The following SNCAIP variants were observed in gnomAD, a reference collection of about 807,000 sequenced individuals.
SNCAIP encodes synphilin-1.
SNCAIP carries 43 observed loss-of-function variants against 86.7 expected under a neutral mutation model. The observed-to-expected ratio is 0.50, with a 90% CI of 0.39 to 0.64. SNCAIP has a LOEUF of 0.64. SNCAIP is among the 30% of genes least tolerant of loss of function. The pLI is 0.00. For missense variants in SNCAIP, 981 were observed against 1,103.1 expected (o/e 0.89, Z 1.57); for synonymous variants, 417 against 427.2 (o/e 0.98, Z 0.29).
intron 6 of SNCAIP, among the ~76,000 whole-genome samples, chr5:122,434,592 T>C (rs1011195339): frequency 4.6e-5 from 7 of 152,186 alleles, no homozygotes; most frequent in African/African-American, 9.6e-5. Context: ...TATTTCAAGA[T>C]GATATGCATT....
At chr5:122,453,031 A>G in intron 10 of SNCAIP, 1 of 1,370,470 alleles carries the variant, frequency 7.3e-7, no homozygotes, top group African/African-American at 1.4e-5. Context: ...TGCGGCATTG[A>G]CATGCTTTGC....
chr5:122,441,392 T>G (rs1780870427), intron 7 of SNCAIP: 1 of 153,316 alleles, frequency 6.5e-6, no homozygotes, highest in Non-Finnish European at 1.5e-5. Context: ...TAGCCTTATC[T>G]TTTTACCCTA....
At chr5:122,373,553 C>T (rs914197571) in intron 1 of SNCAIP, among the ~76,000 whole-genome samples, 1 of 152,140 alleles carries the variant, frequency 6.6e-6, no homozygotes, top group African/African-American at 2.4e-5. Flanking sequence ...TCACTTGTAC[C>T]ATCCTAATCT....
chr5:122,330,887 G>A (rs1390532428), intron 1 of SNCAIP, among the ~76,000 whole-genome samples: 1 of 151,792 alleles, frequency 6.6e-6, no homozygotes, highest in East Asian at 1.9e-4. Context: ...CCCTGAGATT[G>A]TTTTCCTGCA....
At chr5:122,457,329 C>A (rs557392605) in intron 10 of SNCAIP, among the ~76,000 whole-genome samples, 89 of 152,236 alleles carry the variant, frequency 5.8e-4, no homozygotes, top group African/African-American at 2.0e-3. Context: ...AAGCCCTGAA[C>A]GGAAGTATAA....
chr5:122,316,396 C>T (rs1043521799), intron 1 of SNCAIP, among the ~76,000 whole-genome samples: 1 of 152,174 alleles, frequency 6.6e-6, no homozygotes, highest in African/African-American at 2.4e-5. Context: ...GGTCAGCACA[C>T]AATGCAAAGT....
intron 1 of SNCAIP, among the ~76,000 whole-genome samples, chr5:122,360,586 G>A (rs887161895): frequency 6.6e-6 from 1 of 152,100 alleles, no homozygotes. Flanking sequence ...CTTAACCTAT[G>A]TCTCCATTTT....
At chr5:122,456,434 C>T (rs1784785247) in intron 10 of SNCAIP, among the ~76,000 whole-genome samples, 1 of 152,100 alleles carries the variant, frequency 6.6e-6, no homozygotes, top group Non-Finnish European at 1.5e-5. Context: ...GGGTATCATT[C>T]CCCCACCCCT....
intron 1 of SNCAIP, among the ~76,000 whole-genome samples, chr5:122,314,097 G>A (rs1349495860): frequency 6.6e-6 from 1 of 152,228 alleles, no homozygotes; most frequent in Non-Finnish European, 1.5e-5. Flanking sequence ...GCATTTCTCT[G>A]TCTACTCTGT....
At chr5:122,335,631 G>A (rs942047414) in intron 1 of SNCAIP, among the ~76,000 whole-genome samples, 1 of 152,180 alleles carries the variant, frequency 6.6e-6, no homozygotes, top group Non-Finnish European at 1.5e-5. Flanking sequence ...TTCAACACCT[G>A]TGGAAGGAAG....
At chr5:122,380,705 G>T (rs1180236555) in intron 1 of SNCAIP, among the ~76,000 whole-genome samples, 12 of 149,812 alleles carry the variant, frequency 8.0e-5, no homozygotes, top group African/African-American at 1.7e-4. Flanking sequence ...TCTACACACT[G>T]CTTTGAATGC....
rs199933356 is a variant in SNCAIP at position 122,403,845 on chromosome 5, C to T, written c.110C>T (p.Thr37Met). Reference protein sequence around the residue: ...TIPELCRRCDTQNEDRSVSSS... With the variant: ...TIPELCRRCDMQNEDRSVSSS... ...CCAGAACTGTGCCGAAGATGTGATA[C>T]GCAAAACGAAGACAGATCAGGTAGG... Residue 37 changes from threonine to methionine, a missense_variant, in exon 3 of 11, where the codon ACG (threonine) becomes ATG (methionine). Transcript: ENST00000261368. The T allele has an allele frequency of 9.9e-5, 159 of 1,613,554 alleles. No homozygotes were observed. The highest frequency in any genetic ancestry group is 1.7e-4 in the Middle Eastern group (1 of 6,060).
chr5:122,452,591 C>A (rs1336133861), intron 10 of SNCAIP, among the ~76,000 whole-genome samples: 1 of 152,156 alleles, frequency 6.6e-6, no homozygotes, highest in Non-Finnish European at 1.5e-5. Context: ...AATTAAATAT[C>A]AAATTCCTCT....
At chr5:122,456,914 A>T (rs1442492231) in intron 10 of SNCAIP, among the ~76,000 whole-genome samples, 1 of 152,238 alleles carries the variant, frequency 6.6e-6, no homozygotes, top group Non-Finnish European at 1.5e-5. Flanking sequence ...GTTAATGAAA[A>T]AGTATTTAGT....
chr5:122,425,044 C>A (rs190985264), intron 4 of SNCAIP, among the ~76,000 whole-genome samples: 1 of 152,338 alleles, frequency 6.6e-6, no homozygotes, highest in East Asian at 1.9e-4. Flanking sequence ...GTAGGGGAGA[C>A]AGACAGGGAA....
At position 122,378,818 on chromosome 5, in the gene SNCAIP, T is replaced by G. The variant is rs542501719; in HGVS notation, c.-46-12271T>G. ...AGGGAATCCTTCCCCATTGCTTGTTTTTCTCAGGTTTGTCAAAGATCAGAT... is the reference window on the plus strand; with the variant it reads ...AGGGAATCCTTCCCCATTGCTTGTTGTTCTCAGGTTTGTCAAAGATCAGAT... On this transcript the variant is annotated intron_variant, in intron 1 of 10. Coordinates refer to ENST00000261368, the MANE Select transcript of SNCAIP (RefSeq NM_005460.4). Among the ~76,000 whole-genome samples the G allele has an allele frequency of 2.1e-5, 3 of 145,708 alleles. No homozygotes were observed. In the East Asian group the frequency reaches 6.2e-4, roughly 30 times the overall value.
chr5:122,378,643 A>T lies in SNCAIP; in HGVS notation c.-46-12446A>T, dbSNP rs1185298870. On this transcript the variant is annotated intron_variant, in intron 1 of 10. Transcript: ENST00000261368. The stretch of plus-strand genomic sequence containing the variant: ...GCCTATGTCCTGAATGGTAATGCCT[A>T]GGTTTTCTTCTAGGGTTTTTTTGGT... Among the ~76,000 whole-genome samples, 20 of 135,292 alleles carry T rather than the reference A, an allele frequency of 1.5e-4. 1 individual carries two copies. Among genetic ancestry groups the T allele is most frequent in the Non-Finnish European group, 2.9e-4 (18 of 62,564 alleles). 88.8% of individuals were successfully genotyped at this position (135,292 alleles called of 152,430 possible).
intron 6 of SNCAIP, among the ~76,000 whole-genome samples, chr5:122,439,424 C>G (rs1780297231): frequency 6.6e-6 from 1 of 152,292 alleles, no homozygotes; most frequent in Non-Finnish European, 1.5e-5. Context: ...AGGGGTCTTA[C>G]TCCCTGGTGC....
Position 122,451,316 on chromosome 5 carries a change from G to A in SNCAIP, c.2469G>A (p.Val823=), listed in dbSNP as rs750476369. The A allele has an allele frequency of 1.2e-6, 2 of 1,614,174 alleles. No individual in the cohort carries two copies. Among genetic ancestry groups the A allele is most frequent in the African/African-American group, 1.3e-5 (1 of 75,042 alleles). The change falls in exon 10 of 11, where the codon GTG becomes GTA. Residue 823 remains valine, a synonymous_variant. Coordinates refer to ENST00000261368, the MANE Select transcript of SNCAIP (RefSeq NM_005460.4). Reference sequence around the variant, plus strand: ...GAGTTACCTTTGAGGAGCCTGTGGTGCAGATGGAGCAGCCTAGCCTTGAAC... The same window carrying A: ...GAGTTACCTTTGAGGAGCCTGTGGTACAGATGGAGCAGCCTAGCCTTGAAC... ...KLRVTFEEPV[V]QMEQPSLELN...
Sources: gnomAD v4.1 joint callset for allele counts (sites outside exome capture counted in the v4.1 genomes callset) on GRCh38, gnomAD v4.1.1 for gene constraint, MANE v1.5 for transcripts, NCBI Gene and HGNC (gene_info 2026-07-23, HGNC 2026-07-21) for gene names.